Variants in TOX3 observed in about 807,000 individuals in gnomAD.
The protein encoded by TOX3 is CAG trinucleotide repeat-containing gene F9 protein.
TOX3 carries 22 observed loss-of-function variants against 64.3 expected under a neutral mutation model. The observed-to-expected ratio is 0.34, with a 90% CI of 0.24 to 0.49. TOX3 has a LOEUF of 0.49. TOX3 is among the 20% of genes least tolerant of loss of function. The pLI is 0.99. For synonymous variants in TOX3, 291 were observed against 273.6 expected, an observed-to-expected ratio of 1.06 and a Z score of -0.63; for missense variants, 661 against 714.4, an observed-to-expected ratio of 0.93 and a Z score of 0.85.
At chr16:52,505,609 C>A (rs1962137513) in intron 1 of TOX3, among the ~76,000 whole-genome samples, 2 of 152,080 alleles carry the variant, frequency 1.3e-5, no homozygotes, top group South Asian at 4.1e-4. Flanking sequence ...TGGATAAGCC[C>A]CAAGTTCCAA....
intron 4 of TOX3, among the ~76,000 whole-genome samples, chr16:52,448,395 C>T (rs947596575): frequency 2.0e-5 from 3 of 152,100 alleles, no homozygotes; most frequent in Admixed American, 1.3e-4. Context: ...GATCAGCGGA[C>T]GTGTGATTGG....
chr16:52,534,614 C>A (rs901171259), intron 1 of TOX3, among the ~76,000 whole-genome samples: 1 of 151,418 alleles, frequency 6.6e-6, no homozygotes, highest in African/African-American at 2.4e-5. Context: ...CCAGCCGGGG[C>A]AACACAACAA....
intron 6 of TOX3, among the ~76,000 whole-genome samples, chr16:52,441,962 G>A (rs1376695236): frequency 6.6e-6 from 1 of 152,040 alleles, no homozygotes; most frequent in Admixed American, 6.5e-5. Flanking sequence ...CCATAAAGTT[G>A]AATACACACA....
At chr16:52,452,215 G>C (rs1960371888) in intron 3 of TOX3, among the ~76,000 whole-genome samples, 1 of 152,170 alleles carries the variant, frequency 6.6e-6, no homozygotes, top group Non-Finnish European at 1.5e-5. Flanking sequence ...TAGAATGGGA[G>C]GGGCAAGGAG....
At chr16:52,503,042 T>C (rs1962046422) in intron 1 of TOX3, among the ~76,000 whole-genome samples, 1 of 152,330 alleles carries the variant, frequency 6.6e-6, no homozygotes, top group South Asian at 2.1e-4. Flanking sequence ...TGTGTTCCAA[T>C]AACATTTTAT....
At chr16:52,444,170 C>A in intron 6 of TOX3, 106 bp downstream of exon 6, 1 of 792,358 alleles carries the variant, frequency 1.3e-6, no homozygotes. Flanking sequence ...GTTCAAGATG[C>A]CTTTCCATCA....
At position 52,437,652 on chromosome 16, in the gene TOX3, C is replaced by T. The variant is rs543044800; in HGVS notation, c.*1573G>A. ...AAGAAAAGGGGGGAATAAATGGGCACCGAAATAATTATTTTGGCTTAAGAA... is the reference window on the plus strand; with the variant it reads ...AAGAAAAGGGGGGAATAAATGGGCATCGAAATAATTATTTTGGCTTAAGAA... On this transcript the variant is annotated 3_prime_UTR_variant, in exon 7 of 7. Transcript: ENST00000219746. Among the ~76,000 whole-genome samples, 15 of 152,172 alleles carry T rather than the reference C, an allele frequency of 9.9e-5. No homozygotes were observed. The South Asian group carries it at 3.1e-3, about 32-fold the overall frequency.
At chr16:52,523,787 A>C (rs544701650) in intron 1 of TOX3, among the ~76,000 whole-genome samples, 1 of 152,290 alleles carries the variant, frequency 6.6e-6, no homozygotes, top group South Asian at 2.1e-4. Context: ...TCCTATTTTG[A>C]AATCCATTGT....
intron 1 of TOX3, among the ~76,000 whole-genome samples, chr16:52,492,854 T>C (rs1336874908): frequency 2.7e-5 from 4 of 150,868 alleles, no homozygotes; most frequent in Non-Finnish European, 5.9e-5. Context: ...AACTCCCAAT[T>C]GTGTTTTCAT....
intron 1 of TOX3, among the ~76,000 whole-genome samples, chr16:52,518,908 G>A (rs1052328343): frequency 6.6e-6 from 1 of 152,166 alleles, no homozygotes; most frequent in African/African-American, 2.4e-5. Flanking sequence ...TCCTGTGGTT[G>A]AGCAAATCAT....
intron 1 of TOX3, among the ~76,000 whole-genome samples, chr16:52,520,154 G>A (rs775240854): frequency 3.3e-5 from 5 of 152,088 alleles, no homozygotes; most frequent in Non-Finnish European, 4.4e-5. Context: ...AGATCCATAA[G>A]ACTAATGAGT....
chr16:52,474,814 A>G (rs560706553), intron 1 of TOX3, among the ~76,000 whole-genome samples: 7 of 151,936 alleles, frequency 4.6e-5, no homozygotes, highest in South Asian at 2.1e-4. Context: ...AAACTCTCCA[A>G]TGGCTTCCGA....
intron 6 of TOX3, 39 bp from the exon 7 acceptor site, chr16:52,440,007 C>T (rs759712746): frequency 3.5e-6 from 5 of 1,448,766 alleles, no homozygotes; most frequent in Non-Finnish European, 4.6e-6. Context: ...TGTTACAACA[C>T]ATAAGTATTT....
chr16:52,539,020 A>C (rs996406836), intron 1 of TOX3, among the ~76,000 whole-genome samples: 2 of 152,130 alleles, frequency 1.3e-5, no homozygotes, highest in African/African-American at 4.8e-5. Flanking sequence ...TGAGTTTGTA[A>C]GTATACTCAA....
intron 1 of TOX3, among the ~76,000 whole-genome samples, chr16:52,475,161 A>G (rs1373156450): frequency 6.6e-6 from 1 of 152,210 alleles, no homozygotes; most frequent in African/African-American, 2.4e-5. Context: ...ATCCAACAAT[A>G]TCATTACTGC....
chr16:52,438,935 A>G lies in TOX3; in HGVS notation c.*290T>C, dbSNP rs1959837693. On this transcript the variant is annotated 3_prime_UTR_variant, in exon 7 of 7. Coordinates refer to ENST00000219746, the MANE Select transcript of TOX3 (RefSeq NM_001080430.4). ...TCATCAGTATGTCCCAGGATTCATTAAACAGTTTGATTCACATATTGTAGG... is the reference window on the plus strand; with the variant it reads ...TCATCAGTATGTCCCAGGATTCATTGAACAGTTTGATTCACATATTGTAGG... The G allele has an allele frequency of 1.7e-6, 1 of 573,242 alleles. No homozygotes were observed. The highest frequency in any genetic ancestry group is 3.4e-6 in the Non-Finnish European group (1 of 296,426). 35.5% of individuals were successfully genotyped at this position (573,242 alleles called of 1,614,324 possible).
intron 1 of TOX3, among the ~76,000 whole-genome samples, chr16:52,509,723 C>T (rs952559017): frequency 1.3e-5 from 2 of 152,134 alleles, no homozygotes; most frequent in Non-Finnish European, 1.5e-5. Flanking sequence ...CATGTGCACA[C>T]ACAAACAGGC....
chr16:52,530,912 C>T (rs2151484412), intron 1 of TOX3, among the ~76,000 whole-genome samples: 1 of 152,290 alleles, frequency 6.6e-6, no homozygotes, highest in African/African-American at 2.4e-5. Context: ...AAGGAAAATG[C>T]TGTCACCTGC....
chr16:52,438,216 C>T lies in TOX3; in HGVS notation c.*1009G>A, dbSNP rs1959809831. The stretch of plus-strand genomic sequence containing the variant: ...CATAAAAACACAATAAGCAACGTAG[C>T]AATGAATGGTTTATGTCACCAGTGT... On this transcript the variant is annotated 3_prime_UTR_variant, in exon 7 of 7. Coordinates refer to ENST00000219746, the MANE Select transcript of TOX3 (RefSeq NM_001080430.4). 6.6e-6 allele frequency: 1 copy of T among 152,576 alleles called. No homozygotes were observed. Among genetic ancestry groups the T allele is most frequent in the African/African-American group, 2.4e-5 (1 of 41,436 alleles). The allele number at this position is 152,576 out of a possible 1,614,324, so 9.5% of individuals were successfully genotyped here.
Sources: allele counts gnomAD v4.1 joint callset (sites outside exome capture counted in the v4.1 genomes callset), GRCh38; gene constraint gnomAD v4.1.1; transcripts MANE v1.5; gene names NCBI Gene and HGNC (gene_info 2026-07-23, HGNC 2026-07-21).